The following TACR2 variants were observed in gnomAD, a reference collection of about 807,000 sequenced individuals.
TACR2 encodes the protein substance-K receptor.
A neutral mutation model predicts 28.9 loss-of-function variants in TACR2; 24 were observed. The ratio of observed to expected loss-of-function variants is 0.83; its 90% CI spans 0.60 to 1.17. TACR2 has a LOEUF of 1.17. Ranked by LOEUF, TACR2 falls within the 50% of genes most tolerant of loss-of-function variation. The pLI, the probability that TACR2 is intolerant of heterozygous loss-of-function variation, is 0.00. For synonymous variants in TACR2, 222 were observed against 212.6 expected, an observed-to-expected ratio of 1.04 and a Z score of -0.38; for missense variants, 487 against 524.4, an observed-to-expected ratio of 0.93 and a Z score of 0.70.
intron 2 of TACR2, among the ~76,000 whole-genome samples, chr10:69,414,080 T>G (rs960483456): frequency 2.0e-5 from 3 of 152,092 alleles, no homozygotes; most frequent in Non-Finnish European, 4.4e-5. Flanking sequence ...TACCAAGCAA[T>G]GGCTCAGTGC....
chr10:69,406,696 G>A (rs569987758), intron 4 of TACR2, among the ~76,000 whole-genome samples: 11 of 152,102 alleles, frequency 7.2e-5, no homozygotes, highest in Non-Finnish European at 1.5e-4. Context: ...CCTCCCTCCC[G>A]CTACTTAGCT....
chr10:69,415,908 C>G (rs762607823), intron 1 of TACR2, 24 bp downstream of exon 1: 2 of 1,605,664 alleles, frequency 1.2e-6, no homozygotes, highest in Admixed American at 1.7e-5. Context: ...AGGCTCCCCC[C>G]AGCTTCCCCA....
In TACR2 at chr10:69,415,980, G is replaced by A. The variant is rs1294871714; in HGVS notation, c.344C>T (p.Thr115Ile). 1.8e-5 allele frequency: 29 copies of A among 1,614,128 alleles called. No individual in the cohort carries two copies. The highest frequency in any genetic ancestry group is 2.5e-5 in the Non-Finnish European group (29 of 1,180,042). ...FCYFQNLFPITAMFVSIYSMT... is the reference protein window; with the variant it reads ...FCYFQNLFPIIAMFVSIYSMT... ...GGAGTAGATGCTGACAAACATGGCT[G>A]TGATGGGGAAGAGGTTCTGGAAGTA... is the stretch of plus-strand genomic sequence containing the variant. Residue 115 changes from threonine (T) to isoleucine (I), a missense_variant, in exon 1 of 5, where the codon ACA (threonine) becomes ATA (isoleucine). Transcript: ENST00000373306.
At chr10:69,407,050 G>T in intron 4 of TACR2, 34 bp downstream of exon 4, 1 of 1,608,628 alleles carries the variant, frequency 6.2e-7, no homozygotes, top group Non-Finnish European at 8.5e-7. Flanking sequence ...GTGGGGCCCT[G>T]AGGGCAGAGG....
rs751020287 is a variant in TACR2, at chr10:69,404,931, G to T, written c.1092C>A (p.Ala364=). The T allele has an allele frequency of 1.2e-6, 2 of 1,614,160 alleles. No homozygotes were observed. The highest frequency in any genetic ancestry group is 2.2e-5 in the South Asian group (2 of 91,070). The change falls in exon 5 of 5, where the codon GCC becomes GCA. Residue 364 remains alanine, a synonymous_variant. Transcript: ENST00000373306. ...KETLFMAGDT[A]PSEATSGEAG... ...CCTCCCCACTGGTAGCCTCGGAGGG[G>T]GCTGTGTCCCCAGCCATGAACAAAG...
At chr10:69,411,561 G>T (rs1181264093) in intron 2 of TACR2, among the ~76,000 whole-genome samples, 1 of 152,072 alleles carries the variant, frequency 6.6e-6, no homozygotes, top group Non-Finnish European at 1.5e-5. Context: ...ATTCCTTGGG[G>T]GCAACATCAC....
chr10:69,416,179 T>A lies in TACR2; in HGVS notation c.145A>T (p.Thr49Ser). Residue 49 changes from threonine to serine, a missense_variant, in exon 1 of 5, where the codon ACG becomes TCG. Transcript: ENST00000373306. The part of the protein sequence containing the change: ...AYLALVLVAV[T>S]GNAIVIWIIL... The stretch of plus-strand genomic sequence containing the variant: ...ATCCAGATGACGATGGCATTACCCG[T>A]CACGGCCACCAGCACCAGGGCCAGG... 6.2e-7 allele frequency: 1 copy of A among 1,614,198 alleles called. No homozygotes were observed. Among genetic ancestry groups the A allele is most frequent in the Non-Finnish European group, 8.5e-7 (1 of 1,180,034 alleles).
At chr10:69,406,730 C>A (rs973705112) in intron 4 of TACR2, among the ~76,000 whole-genome samples, 1 of 152,188 alleles carries the variant, frequency 6.6e-6, no homozygotes, top group African/African-American at 2.4e-5. Flanking sequence ...TCTGTCTGTC[C>A]CACCCCCTCT....
Position 69,407,145 on chromosome 10 carries a change from A to G in TACR2, c.877T>C (p.Phe293Leu), listed in dbSNP as rs989275701. The change falls in exon 4 of 5, where the codon TTC becomes CTC. Residue 293 changes from phenylalanine to leucine, a missense_variant. Transcript: ENST00000373306. ...KFIQQVYLAL[F>L]WLAMSSTMYN... is the part of the protein sequence containing the mutation. ...ATGGTAGAGCTCATGGCCAACCAGA[A>G]GAGTGCCAGGTAGACTTGCTGGATG... 1.9e-6 allele frequency: 3 copies of G among 1,614,084 alleles called. No individual in the cohort carries two copies. Among genetic ancestry groups the G allele is most frequent in the Non-Finnish European group, 2.5e-6 (3 of 1,179,992 alleles).
rs565274209 is a variant in TACR2, at chr10:69,409,142, G to A, written c.588-67C>T. ...GCGACTCCGAAGTCTGCCAGCGCCT[G>A]GTCCTGGGACCCCGCGGGCACTGTG... On this transcript the variant is annotated intron_variant, in intron 2 of 4. Transcript: ENST00000373306. 217 of 1,417,552 alleles carry A rather than the reference G, an allele frequency of 1.5e-4. 2 individuals are homozygous for A. In the East Asian group the frequency reaches 4.3e-3, roughly 28 times the overall value. 87.8% of individuals were successfully genotyped at this position (1,417,552 alleles called of 1,614,324 possible).
chr10:69,407,505 T>G (rs1840513888), intron 3 of TACR2, among the ~76,000 whole-genome samples: 1 of 152,206 alleles, frequency 6.6e-6, no homozygotes, highest in Admixed American at 6.5e-5. Context: ...ACTGCCATCC[T>G]TCCTTTGAAG....
chr10:69,409,890 CATATATATATATACATATAT>C (rs1184448208), intron 2 of TACR2, among the ~76,000 whole-genome samples: 10 of 35,354 alleles, frequency 2.8e-4, no homozygotes, highest in Admixed American at 7.6e-4. Context: ...TACATATATA[CATATATATATATACATATAT>C]ATATATATAT....
At chr10:69,408,233 A>G (rs1048917562) in intron 3 of TACR2, among the ~76,000 whole-genome samples, 3 of 152,086 alleles carry the variant, frequency 2.0e-5, no homozygotes, top group African/African-American at 7.2e-5. Context: ...CTGGACAACT[A>G]TCTGGTCTCC....
At chr10:69,408,608 G>A (rs764933301) in intron 3 of TACR2, among the ~76,000 whole-genome samples, 120 of 152,160 alleles carry the variant, frequency 7.9e-4, no homozygotes, top group Non-Finnish European at 1.5e-3. Context: ...CGCCCGGCAA[G>A]TTTCTTTAAT....
chr10:69,405,069 G>A lies in TACR2; in HGVS notation c.954C>T (p.Phe318=). ...ATGGGCAGCAGCGGAAGGCAAGCCGGAATCCAGAGCGAAACCTGGGGGAGC... is the reference window on the plus strand; with the variant it reads ...ATGGGCAGCAGCGGAAGGCAAGCCGAAATCCAGAGCGAAACCTGGGGGAGC... ...CCLNHRFRSG[F]RLAFRCCPWV... is the part of the protein sequence containing the mutation. The change falls in exon 5 of 5, where the codon TTC becomes TTT. Residue 318 remains phenylalanine (F), a synonymous_variant. Transcript: ENST00000373306. 6.2e-7 allele frequency: 1 copy of A among 1,613,784 alleles called. No individual in the cohort carries two copies. Among genetic ancestry groups the A allele is most frequent in the Non-Finnish European group, 8.5e-7 (1 of 1,179,768 alleles).
chr10:69,405,170 C>T (rs1840491027), intron 4 of TACR2, 86 bp from the exon 5 acceptor site: 3 of 1,140,592 alleles, frequency 2.6e-6, no homozygotes, highest in Non-Finnish European at 3.8e-6. Context: ...GAAACTGACT[C>T]CCTTCCAGAG....
chr10:69,415,788 T>G (rs1246001292), intron 1 of TACR2, 144 bp downstream of exon 1: 5 of 973,124 alleles, frequency 5.1e-6, no homozygotes, highest in African/African-American at 4.9e-5. Flanking sequence ...TCCAGATTCA[T>G]AGTTTTGGAC....
At chr10:69,411,047 G>T (rs1840565825) in intron 2 of TACR2, among the ~76,000 whole-genome samples, 2 of 152,134 alleles carry the variant, frequency 1.3e-5, no homozygotes, top group Non-Finnish European at 2.9e-5. Flanking sequence ...TGGCATTTGG[G>T]GGTCCCTTTC....
intron 2 of TACR2, among the ~76,000 whole-genome samples, chr10:69,409,919 A>ATATG (rs1288182458): frequency 1.5e-5 from 1 of 66,186 alleles, no homozygotes; most frequent in Non-Finnish European, 3.0e-5. Flanking sequence ...ATATATATAT[A>ATATG]TATATATATA....
Sources: allele counts gnomAD v4.1 joint callset (sites outside exome capture counted in the v4.1 genomes callset), GRCh38; gene constraint gnomAD v4.1.1; transcripts MANE v1.5; gene names NCBI Gene and HGNC (gene_info 2026-07-23, HGNC 2026-07-21).